MAGI1: variants seen among roughly 807,000 people sequenced by gnomAD.
The protein encoded by MAGI1 is membrane-associated guanylate kinase, WW and PDZ domain-containing protein 1.
A neutral mutation model predicts 139.9 loss-of-function variants in MAGI1; 58 were observed. The observed-to-expected ratio is 0.41, with a 90% CI of 0.34 to 0.52. The LOEUF (loss-of-function observed/expected upper bound fraction) is 0.52. Ranked by LOEUF, MAGI1 falls within the 20% of genes least tolerant of loss-of-function variation. MAGI1 has a pLI of 0.12. For missense variants in MAGI1, 1,874 were observed against 1,901.6 expected (o/e 0.99, Z 0.27); for synonymous variants, 812 against 737.9 (o/e 1.10, Z -1.63).
Position 65,383,624 on chromosome 3 carries a change from C to T in MAGI1, c.2417-1G>A, listed in dbSNP as rs1342763680. Reference sequence around the variant, plus strand: ...ATGTCCTGTTCCTGGTAATCTGGAACTGCAGAGAGGGGAGAAAAAAGAGAA... The same window carrying T: ...ATGTCCTGTTCCTGGTAATCTGGAATTGCAGAGAGGGGAGAAAAAAGAGAA... On this transcript the variant is annotated splice_acceptor_variant, in intron 14 of 22. Coordinates refer to ENST00000402939, the MANE Select transcript of MAGI1 (RefSeq NM_001033057.2). LOFTEE classifies it high-confidence loss of function. 1.9e-6 allele frequency: 3 copies of T among 1,590,990 alleles called. No homozygotes were observed. The highest frequency in any genetic ancestry group is 2.6e-6 in the Non-Finnish European group (3 of 1,159,048).
intron 4 of MAGI1, among the ~76,000 whole-genome samples, chr3:65,477,711 ATT>A (rs60679864): frequency 5.6e-5 from 8 of 141,606 alleles, no homozygotes; most frequent in Non-Finnish European, 7.8e-5. Flanking sequence ...TATTATTATT[ATT>A]TTTTTTTTTT....
chr3:65,769,662 C>G (rs1317659239), intron 1 of MAGI1, among the ~76,000 whole-genome samples: 1 of 152,102 alleles, frequency 6.6e-6, no homozygotes, highest in Non-Finnish European at 1.5e-5. Context: ...TATGGAGCAC[C>G]ATTCCCTATT....
intron 1 of MAGI1, among the ~76,000 whole-genome samples, chr3:65,780,843 GCTTATGGTATACT>G (rs2038872214): frequency 6.6e-6 from 1 of 152,158 alleles, no homozygotes; most frequent in Non-Finnish European, 1.5e-5. Flanking sequence ...GATTTGCACT[GCTTATGGTATACT>G]ATGTAAGGGC....
intron 2 of MAGI1, among the ~76,000 whole-genome samples, chr3:65,585,550 C>T (rs149340725): frequency 6.6e-6 from 1 of 152,156 alleles, no homozygotes; most frequent in African/African-American, 2.4e-5. Flanking sequence ...GCTTCTGTAA[C>T]TCTTAGATGT....
At chr3:65,687,450 C>T (rs922603796) in intron 1 of MAGI1, 1 of 384,736 alleles carries the variant, frequency 2.6e-6, no homozygotes, top group Non-Finnish European at 5.3e-6. Flanking sequence ...ACACCTGATG[C>T]AACTTCCTTC....
At chr3:65,674,102 A>G (rs925173201) in intron 1 of MAGI1, among the ~76,000 whole-genome samples, 3 of 152,222 alleles carry the variant, frequency 2.0e-5, no homozygotes, top group Non-Finnish European at 2.9e-5. Flanking sequence ...AGCTTATACG[A>G]CAGCTCAATA....
At chr3:65,655,224 A>C (rs922855094) in intron 1 of MAGI1, among the ~76,000 whole-genome samples, 8 of 152,192 alleles carry the variant, frequency 5.3e-5, no homozygotes, top group African/African-American at 1.9e-4. Context: ...AGAGACGTAG[A>C]GCGGAGAAAA....
At position 65,356,258 on chromosome 3, in the gene MAGI1, T is replaced by C. The variant is rs1189954642; in HGVS notation, c.*120A>G. 26 of 935,202 alleles carry C rather than the reference T, an allele frequency of 2.8e-5. No individual in the cohort carries two copies. Among genetic ancestry groups the C allele is most frequent in the Non-Finnish European group, 3.5e-5 (23 of 653,442 alleles). The allele number at this position is 935,202 out of a possible 1,614,324, so 57.9% of individuals were successfully genotyped here. The stretch of plus-strand genomic sequence containing the variant: ...TTTCAAATGCATAAAATGTTTGTTG[T>C]TATTCATAGGATCATCAGGTGTCAG... On this transcript the variant is annotated 3_prime_UTR_variant, in exon 23 of 23. Coordinates refer to ENST00000402939, the MANE Select transcript of MAGI1 (RefSeq NM_001033057.2).
chr3:65,953,235 G>C (rs2063951343), intron 1 of MAGI1, among the ~76,000 whole-genome samples: 1 of 152,156 alleles, frequency 6.6e-6, no homozygotes, highest in Non-Finnish European at 1.5e-5. Context: ...ATTAAAACTA[G>C]ATAAGTAAGG....
intron 1 of MAGI1, among the ~76,000 whole-genome samples, chr3:65,827,110 G>T (rs2042269236): frequency 6.6e-6 from 1 of 152,162 alleles, no homozygotes; most frequent in Non-Finnish European, 1.5e-5. Flanking sequence ...TTAAAGTAAG[G>T]ATTTGCTTTA....
chr3:65,697,214 A>T (rs2089281857), intron 1 of MAGI1, among the ~76,000 whole-genome samples: 1 of 152,150 alleles, frequency 6.6e-6, no homozygotes, highest in Non-Finnish European at 1.5e-5. Flanking sequence ...ACAGGAGCTG[A>T]AATTGTGGCA....
chr3:65,996,182 C>T (rs1473241073), intron 1 of MAGI1, among the ~76,000 whole-genome samples: 1 of 152,026 alleles, frequency 6.6e-6, no homozygotes, highest in Admixed American at 6.5e-5. Flanking sequence ...CCTCAGTTTC[C>T]TCATCTAGAA....
At chr3:65,780,316 G>A (rs565442496) in intron 1 of MAGI1, among the ~76,000 whole-genome samples, 9 of 152,108 alleles carry the variant, frequency 5.9e-5, no homozygotes, top group African/African-American at 1.9e-4. Flanking sequence ...GACACATCAC[G>A]CCCAGCCTAT....
intron 1 of MAGI1, among the ~76,000 whole-genome samples, chr3:65,767,012 C>A (rs1361390383): frequency 3.9e-5 from 6 of 152,172 alleles, no homozygotes; most frequent in African/African-American, 1.4e-4. Context: ...ATTGCCCTCT[C>A]TGAGTTTCCA....
chr3:65,423,383 C>T (rs373263439), intron 12 of MAGI1, among the ~76,000 whole-genome samples: 37 of 130,058 alleles, frequency 2.8e-4, no homozygotes, highest in Non-Finnish European at 5.1e-4. Context: ...TGCACACACG[C>T]GCACACACAC....
intron 1 of MAGI1, among the ~76,000 whole-genome samples, chr3:65,863,914 G>A (rs182920920): frequency 3.9e-5 from 6 of 152,080 alleles, no homozygotes; most frequent in Non-Finnish European, 8.8e-5. Flanking sequence ...GGTCCCCTCT[G>A]TTAGGCACTC....
intron 1 of MAGI1, among the ~76,000 whole-genome samples, chr3:65,713,226 C>T (rs954796190): frequency 2.0e-5 from 3 of 152,110 alleles, no homozygotes; most frequent in African/African-American, 7.2e-5. Context: ...CTGTCTTCTG[C>T]TTCCTCTCCC....
At chr3:65,855,642 A>G (rs2059355094) in intron 1 of MAGI1, among the ~76,000 whole-genome samples, 1 of 9,078 alleles carries the variant, frequency 1.1e-4, no homozygotes, top group African/African-American at 4.3e-4. Context: ...GGAAGGGAGA[A>G]ACAGAGAGAG....
chr3:65,679,942 C>A (rs1246946493), intron 1 of MAGI1, among the ~76,000 whole-genome samples: 2 of 152,126 alleles, frequency 1.3e-5, no homozygotes. Context: ...TACTGTAGGA[C>A]CAGGATATGG....
Sources: allele counts gnomAD v4.1 joint callset (sites outside exome capture counted in the v4.1 genomes callset), GRCh38; gene constraint gnomAD v4.1.1; transcripts MANE v1.5; gene names NCBI Gene and HGNC (gene_info 2026-07-23, HGNC 2026-07-21).